The following NRXN3 variants were observed in gnomAD, a reference collection of about 807,000 sequenced individuals.
NRXN3 encodes neurexin 3, also known as neurexin III.
NRXN3 carries 32 observed loss-of-function variants against 137.6 expected under a neutral mutation model. That is an observed-to-expected ratio of 0.23 (90% CI 0.18 to 0.31). The LOEUF is 0.31. NRXN3 is among the 10% of genes least tolerant of loss of function. NRXN3 has a pLI of 1.00. For missense variants in NRXN3, 1,574 were observed against 2,062.5 expected (o/e 0.76, Z 4.59); for synonymous variants, 798 against 784.5 (o/e 1.02, Z -0.29).
At chr14:78,920,808 C>A (rs939142700) in intron 10 of NRXN3, among the ~76,000 whole-genome samples, 1 of 152,038 alleles carries the variant, frequency 6.6e-6, no homozygotes, top group South Asian at 2.1e-4. Flanking sequence ...TTAGGAACAG[C>A]CAAATTGAAG....
chr14:79,431,735 T>C (rs987214674), intron 15 of NRXN3, among the ~76,000 whole-genome samples: 4 of 152,108 alleles, frequency 2.6e-5, no homozygotes, highest in African/African-American at 9.7e-5. Context: ...TACATAAATT[T>C]AAAATGAACC....
At chr14:79,744,422 C>CA (rs201519106) in intron 19 of NRXN3, among the ~76,000 whole-genome samples, 43 of 152,158 alleles carry the variant, frequency 2.8e-4, no homozygotes, top group African/African-American at 1.0e-3. Flanking sequence ...TTCCTACCCC[C>CA]CAAAAATGAA....
intron 2 of NRXN3, among the ~76,000 whole-genome samples, chr14:78,266,321 A>T (rs1000436864): frequency 6.6e-6 from 1 of 151,226 alleles, no homozygotes; most frequent in African/African-American, 2.4e-5. Flanking sequence ...TTTTTTTGAG[A>T]TGGAGTCTCA....
chr14:79,580,434 T>C (rs1006534384), intron 16 of NRXN3, among the ~76,000 whole-genome samples: 1 of 133,166 alleles, frequency 7.5e-6, no homozygotes, highest in Middle Eastern at 3.6e-3. Context: ...CAAAAGATTA[T>C]GTTTTTTTTT....
chr14:79,559,789 GT>G, intron 16 of NRXN3, among the ~76,000 whole-genome samples: 1 of 152,270 alleles, frequency 6.6e-6, no homozygotes, highest in Middle Eastern at 3.4e-3. Context: ...TAGTTTTAAA[GT>G]TTTGTATGAA....
At chr14:78,318,723 C>T (rs111798677) in intron 4 of NRXN3, among the ~76,000 whole-genome samples, 1,709 of 152,256 alleles carry the variant, frequency 0.011, 18 homozygotes, top group Non-Finnish European at 0.016. Flanking sequence ...AAGGGGCAGC[C>T]AGTGTGGCAG....
intron 20 of NRXN3, among the ~76,000 whole-genome samples, chr14:79,813,338 GTA>G (rs906265122): frequency 6.6e-6 from 1 of 151,944 alleles, no homozygotes; most frequent in Non-Finnish European, 1.5e-5. Context: ...ACATTCCTGT[GTA>G]TATATATAAA....
intron 10 of NRXN3, among the ~76,000 whole-genome samples, chr14:78,942,222 C>A (rs972773419): frequency 6.6e-6 from 1 of 152,180 alleles, no homozygotes; most frequent in Non-Finnish European, 1.5e-5. Context: ...CCAAGTACTT[C>A]ACTTTCTTTC....
At chr14:79,296,203 T>C (rs1031762024) in intron 15 of NRXN3, among the ~76,000 whole-genome samples, 3 of 152,122 alleles carry the variant, frequency 2.0e-5, no homozygotes, top group African/African-American at 7.2e-5. Flanking sequence ...AGGTGCTTAA[T>C]GGCACTCATT....
intron 15 of NRXN3, among the ~76,000 whole-genome samples, chr14:79,276,414 G>A (rs1346130237): frequency 2.0e-5 from 3 of 152,106 alleles, no homozygotes; most frequent in Admixed American, 2.0e-4. Context: ...TCTTACATTT[G>A]TCCTCTGAAG....
intron 15 of NRXN3, among the ~76,000 whole-genome samples, chr14:79,185,298 T>A (rs2063390927): frequency 1.3e-5 from 2 of 152,202 alleles, no homozygotes; most frequent in Admixed American, 1.3e-4. Context: ...TGTGAAATCC[T>A]GGACACTTGC....
At chr14:79,196,537 C>T (rs1242150751) in intron 15 of NRXN3, among the ~76,000 whole-genome samples, 1 of 152,164 alleles carries the variant, frequency 6.6e-6, no homozygotes, top group African/African-American at 2.4e-5. Flanking sequence ...AACACTGTTG[C>T]ATTGGGAATT....
chr14:79,483,769 G>A (rs546111606), intron 16 of NRXN3, among the ~76,000 whole-genome samples: 160 of 151,462 alleles, frequency 1.1e-3, no homozygotes, highest in Non-Finnish European at 1.0e-3. Flanking sequence ...GGGAAATGAT[G>A]CGTGTGTGTG....
intron 19 of NRXN3, among the ~76,000 whole-genome samples, chr14:79,797,605 G>T (rs956209905): frequency 6.6e-6 from 1 of 152,074 alleles, no homozygotes; most frequent in African/African-American, 2.4e-5. Context: ...GGCTTTCAAA[G>T]GTAACTATAA....
intron 8 of NRXN3, among the ~76,000 whole-genome samples, chr14:78,737,346 C>T (rs988466467): frequency 6.6e-6 from 1 of 152,106 alleles, no homozygotes; most frequent in African/African-American, 2.4e-5. Flanking sequence ...TTCCCAAGTG[C>T]ACTATAGGAA....
intron 16 of NRXN3, among the ~76,000 whole-genome samples, chr14:79,555,538 A>G (rs2097421057): frequency 6.6e-6 from 1 of 152,112 alleles, no homozygotes; most frequent in Non-Finnish European, 1.5e-5. Flanking sequence ...TTCTAGTATA[A>G]TAGGAATATA....
At position 79,130,295 on chromosome 14, in the gene NRXN3, A is replaced by C. The variant is rs373809353; in HGVS notation, c.3262+142154A>C. Among the ~76,000 whole-genome samples, 11 of 152,116 alleles carry C rather than the reference A, an allele frequency of 7.2e-5. No homozygotes were observed. The South Asian group carries it at 2.3e-3, about 32-fold the overall frequency. ...GTCTCGATGGTCTTTACATTTTGGC[A>C]TGATTTTGCAGCGGCTGGTATCAGT... On this transcript the variant is annotated intron_variant, in intron 15 of 20. Transcript: ENST00000335750.
At chr14:79,514,850 T>TTCTTTTTCTTCTTATTTTGATTTTG (rs1567349837) in intron 16 of NRXN3, among the ~76,000 whole-genome samples, 3 of 151,122 alleles carry the variant, frequency 2.0e-5, no homozygotes, top group African/African-American at 4.9e-5. Flanking sequence ...ACTGCTTCTC[T>TTCTTTTTCTTCTTATTTTGATTTTG]TTAAAAAGTG....
chr14:78,827,255 GCTAA>G (rs917983566), intron 10 of NRXN3, among the ~76,000 whole-genome samples: 19 of 140,074 alleles, frequency 1.4e-4, no homozygotes, highest in African/African-American at 3.3e-4. Context: ...AATCCTTTGG[GCTAA>G]CTGAGAGGAC....
Sources: allele counts gnomAD v4.1 joint callset (sites outside exome capture counted in the v4.1 genomes callset), GRCh38; gene constraint gnomAD v4.1.1; transcripts MANE v1.5; gene names NCBI Gene and HGNC (gene_info 2026-07-23, HGNC 2026-07-21).